NPAS3: variants seen among roughly 807,000 people sequenced by gnomAD.
NPAS3 encodes the protein neuronal PAS domain-containing protein 3.
A neutral mutation model predicts 73.1 loss-of-function variants in NPAS3; 14 were observed. The ratio of observed to expected loss-of-function variants is 0.19; its 90% CI spans 0.13 to 0.30. The LOEUF is 0.30. Among genes scored for constraint, NPAS3 ranks in the 10% least tolerant of loss-of-function variants. The pLI, the probability that NPAS3 is intolerant of heterozygous loss-of-function variation, is 1.00. For missense variants in NPAS3, 1,096 were observed against 1,250.0 expected, an observed-to-expected ratio of 0.88 and a Z score of 1.86; for synonymous variants, 620 against 541.5, an observed-to-expected ratio of 1.14 and a Z score of -2.01.
chr14:33,404,246 A>G (rs2047567737), intron 4 of NPAS3, among the ~76,000 whole-genome samples: 2 of 152,126 alleles, frequency 1.3e-5, no homozygotes. Context: ...TCTTGTTGCT[A>G]TACTACGTGT....
intron 2 of NPAS3, among the ~76,000 whole-genome samples, chr14:33,197,873 G>C (rs2046432581): frequency 6.6e-6 from 1 of 152,246 alleles, no homozygotes; most frequent in African/African-American, 2.4e-5. Context: ...CAAGAACGAA[G>C]CCGCGGACCC....
intron 3 of NPAS3, among the ~76,000 whole-genome samples, chr14:33,347,821 G>A (rs2044818148): frequency 6.6e-6 from 1 of 151,812 alleles, no homozygotes; most frequent in Non-Finnish European, 1.5e-5. Context: ...TATTGCTCAG[G>A]GAACGATGAC....
chr14:33,064,440 T>C (rs1246754075), intron 2 of NPAS3, among the ~76,000 whole-genome samples: 1 of 152,202 alleles, frequency 6.6e-6, no homozygotes, highest in Non-Finnish European at 1.5e-5. Flanking sequence ...GAATTCCCTG[T>C]CCTCTGCTCT....
intron 1 of NPAS3, among the ~76,000 whole-genome samples, chr14:33,005,564 A>G (rs1010312300): frequency 6.6e-6 from 1 of 152,118 alleles, no homozygotes; most frequent in African/African-American, 2.4e-5. Flanking sequence ...TTTTCCACCT[A>G]GGGAAGGCAT....
At chr14:33,502,475 C>T (rs1283398833) in intron 4 of NPAS3, among the ~76,000 whole-genome samples, 5 of 151,910 alleles carry the variant, frequency 3.3e-5, no homozygotes, top group African/African-American at 1.2e-4. Flanking sequence ...TCTCTGTTCA[C>T]TTGTGAAGTA....
chr14:33,250,311 G>A (rs148978200), intron 3 of NPAS3, among the ~76,000 whole-genome samples: 99 of 151,864 alleles, frequency 6.5e-4, no homozygotes, highest in African/African-American at 2.2e-3. Context: ...TCAAGATTGA[G>A]CCTACACATA....
At chr14:32,969,823 G>T in intron 1 of NPAS3, among the ~76,000 whole-genome samples, 1 of 152,142 alleles carries the variant, frequency 6.6e-6, no homozygotes, top group East Asian at 1.9e-4. Flanking sequence ...TTACTTCTCA[G>T]AAACACTTTT....
At chr14:33,143,918 A>G (rs1367459126) in intron 2 of NPAS3, among the ~76,000 whole-genome samples, 1 of 151,946 alleles carries the variant, frequency 6.6e-6, no homozygotes, top group Non-Finnish European at 1.5e-5. Context: ...TTATGGTTGA[A>G]TAGTATTCCA....
At chr14:33,050,249 G>A (rs975915214) in intron 1 of NPAS3, among the ~76,000 whole-genome samples, 1 of 152,104 alleles carries the variant, frequency 6.6e-6, no homozygotes, top group Non-Finnish European at 1.5e-5. Context: ...ACTAGATTTG[G>A]CCAGTTGGGT....
intron 3 of NPAS3, among the ~76,000 whole-genome samples, chr14:33,316,607 A>G (rs1049309638): frequency 9.9e-5 from 15 of 152,106 alleles, no homozygotes; most frequent in Admixed American, 7.9e-4. Context: ...TCTCTTTTAC[A>G]TTAGACAAGC....
chr14:33,035,081 G>T (rs2040119993), intron 1 of NPAS3, among the ~76,000 whole-genome samples: 1 of 151,940 alleles, frequency 6.6e-6, no homozygotes, highest in Non-Finnish European at 1.5e-5. Context: ...TTGATATTTT[G>T]CAGACATCTA....
At chr14:33,405,781 A>T (rs986478083) in intron 4 of NPAS3, among the ~76,000 whole-genome samples, 2 of 152,148 alleles carry the variant, frequency 1.3e-5, no homozygotes, top group African/African-American at 4.8e-5. Flanking sequence ...TGCCCACACC[A>T]TCCCAGCACT....
intron 5 of NPAS3, among the ~76,000 whole-genome samples, chr14:33,627,508 A>G (rs2058255691): frequency 6.6e-6 from 1 of 152,170 alleles, no homozygotes; most frequent in South Asian, 2.1e-4. Context: ...TCCTCACGTA[A>G]TAGTTGAAGA....
chr14:33,786,306 TTGTC>T (rs1405382927), intron 9 of NPAS3, among the ~76,000 whole-genome samples: 2 of 152,202 alleles, frequency 1.3e-5, no homozygotes, highest in Non-Finnish European at 2.9e-5. Flanking sequence ...CAAATGGAAT[TTGTC>T]TGGGATCCTG....
intron 7 of NPAS3, among the ~76,000 whole-genome samples, chr14:33,763,996 A>G (rs893926508): frequency 6.6e-6 from 1 of 152,152 alleles, no homozygotes; most frequent in Non-Finnish European, 1.5e-5. Context: ...GCAGAGTTGC[A>G]CTTCCCTAGG....
In NPAS3 at chr14:33,680,244, C is replaced by G. The variant is rs2297119; in HGVS notation, c.733+3859C>G. Among the ~76,000 whole-genome samples, 428 of 152,222 alleles carry G rather than the reference C, an allele frequency of 2.8e-3. 12 individuals carry two copies. The East Asian group carries it at 0.073, about 26-fold the overall frequency. On this transcript the variant is annotated intron_variant, in intron 6 of 11. Transcript: ENST00000356141. ...TTTAAATGCTTAGTAAACAGAAAAG[C>G]AGCTCTCAAGAAATCCTGGAGGAAC...
At chr14:33,212,414 G>C (rs972610570) in intron 2 of NPAS3, among the ~76,000 whole-genome samples, 1 of 151,898 alleles carries the variant, frequency 6.6e-6, no homozygotes, top group Admixed American at 6.6e-5. Context: ...ATGTGTGTTA[G>C]AGTTAAAAAA....
At chr14:33,409,184 G>A (rs754834791) in intron 4 of NPAS3, among the ~76,000 whole-genome samples, 1 of 152,170 alleles carries the variant, frequency 6.6e-6, no homozygotes, top group Non-Finnish European at 1.5e-5. Context: ...AACTTGTAAG[G>A]TTGTGGGGAG....
chr14:33,390,388 T>C (rs1210700423), intron 4 of NPAS3, among the ~76,000 whole-genome samples: 1 of 152,156 alleles, frequency 6.6e-6, no homozygotes, highest in East Asian at 1.9e-4. Flanking sequence ...GATGATGGCT[T>C]ACTATATCAG....
Sources: gnomAD v4.1 joint callset for allele counts (sites outside exome capture counted in the v4.1 genomes callset) on GRCh38, gnomAD v4.1.1 for gene constraint, MANE v1.5 for transcripts, NCBI Gene and HGNC (gene_info 2026-07-23, HGNC 2026-07-21) for gene names.